NELFB: variants seen among roughly 807,000 people sequenced by gnomAD.
NELFB encodes the protein negative elongation factor complex member B.
A neutral mutation model predicts 60.2 loss-of-function variants in NELFB; 34 were observed. The ratio of observed to expected loss-of-function variants is 0.56; its 90% CI spans 0.43 to 0.75. The LOEUF (loss-of-function observed/expected upper bound fraction) is 0.75. Among genes scored for constraint, NELFB ranks in the 30% least tolerant of loss-of-function variants. The pLI, the probability that NELFB is intolerant of heterozygous loss-of-function variation, is 0.00. For synonymous variants in NELFB, 459 were observed against 382.1 expected, an observed-to-expected ratio of 1.20 and a Z score of -2.35; for missense variants, 770 against 831.6, an observed-to-expected ratio of 0.93 and a Z score of 0.91.
intron 6 of NELFB, 57 bp from the exon 7 acceptor site, chr9:137,265,820 G>A: frequency 8.6e-7 from 1 of 1,166,906 alleles, no homozygotes; most frequent in East Asian, 2.3e-5. Context: ...TGAGGACTGT[G>A]CCGCTGAAGG....
chr9:137,266,829 G>C, intron 8 of NELFB, 115 bp from the exon 9 acceptor site: 2 of 1,252,456 alleles, frequency 1.6e-6, no homozygotes, highest in Non-Finnish European at 1.1e-6. Flanking sequence ...AGAGGAGGGA[G>C]GGTCGGTGAG....
intron 8 of NELFB, among the ~76,000 whole-genome samples, chr9:137,266,743 C>G (rs1324513717): frequency 2.6e-5 from 4 of 151,924 alleles, no homozygotes; most frequent in Non-Finnish European, 4.4e-5. Flanking sequence ...CATGTGGGTC[C>G]AGACCTAGAA....
chr9:137,272,411 T>G, intron 11 of NELFB, 96 bp from the exon 12 acceptor site: 1 of 1,448,902 alleles, frequency 6.9e-7, no homozygotes, highest in Non-Finnish European at 9.3e-7. Context: ...GCTGGCCATG[T>G]CCTGTCTCCA....
intron 8 of NELFB, among the ~76,000 whole-genome samples, chr9:137,266,675 G>A (rs890615287): frequency 2.0e-5 from 3 of 151,974 alleles, no homozygotes; most frequent in African/African-American, 4.8e-5. Context: ...TCCGTGGACC[G>A]TGGCTTGTTC....
chr9:137,265,510 T>C (rs1452121824), intron 6 of NELFB, among the ~76,000 whole-genome samples: 1 of 147,546 alleles, frequency 6.8e-6, no homozygotes, highest in Non-Finnish European at 1.5e-5. Context: ...TGCCTCAGCC[T>C]CCCGAGTAGC....
chr9:137,257,709 T>C (rs1554790716), intron 4 of NELFB, among the ~76,000 whole-genome samples: 1 of 151,876 alleles, frequency 6.6e-6, no homozygotes, highest in Non-Finnish European at 1.5e-5. Flanking sequence ...TCCATGTTGG[T>C]CAGGCTGGTC....
At chr9:137,266,891 G>C (rs554405976) in intron 8 of NELFB, 53 bp from the exon 9 acceptor site, 1 of 1,599,276 alleles carries the variant, frequency 6.3e-7, no homozygotes, top group African/African-American at 1.3e-5. Context: ...ACGTCAGGGT[G>C]GGGTGGGGCA....
At chr9:137,265,031 CTTTTTTTTTTT>C (rs60479210) in intron 6 of NELFB, among the ~76,000 whole-genome samples, 10 of 126,174 alleles carry the variant, frequency 7.9e-5, no homozygotes, top group Admixed American at 1.6e-4. Flanking sequence ...TTTTTTCTTC[CTTTTTTTTTTT>C]TTTTTTTTTT....
chr9:137,265,697 C>T (rs1266831121), intron 6 of NELFB, among the ~76,000 whole-genome samples, 180 bp from the exon 7 acceptor site: 1 of 128,978 alleles, frequency 7.8e-6, no homozygotes, highest in Non-Finnish European at 1.8e-5. Context: ...TGCCAAAGTG[C>T]TGGGATGACA....
intron 7 of NELFB, 151 bp downstream of exon 7, chr9:137,266,130 T>C (rs567087114): frequency 3.9e-6 from 3 of 760,232 alleles, no homozygotes; most frequent in Admixed American, 2.3e-5. Context: ...GTCGGGGATG[T>C]GGACTGCAGT....
chr9:137,266,156 G>A (rs1036906014), intron 7 of NELFB, among the ~76,000 whole-genome samples, 175 bp from the exon 8 acceptor site: 2 of 152,278 alleles, frequency 1.3e-5, no homozygotes, highest in African/African-American at 4.8e-5. Context: ...AGGTAGAGGC[G>A]TGTGCTTCCC....
At chr9:137,261,979 CAGAGAG>C (rs61420748) in intron 4 of NELFB, among the ~76,000 whole-genome samples, 25 of 150,242 alleles carry the variant, frequency 1.7e-4, no homozygotes, top group African/African-American at 4.1e-4. Context: ...GCAGCCTAGG[CAGAGAG>C]AGAGAGAGAG....
rs372809663 is a variant in NELFB at position 137,257,036 on chromosome 9, G to A, written c.723G>A (p.Lys241=). 3.7e-6 allele frequency: 6 copies of A among 1,612,220 alleles called. No homozygotes were observed. Among genetic ancestry groups the A allele is most frequent in the African/African-American group, 1.3e-5 (1 of 75,050 alleles). ...ACAACTTTTTCAGTCCTTCCCCCAA[G>A]ACCAGGCGCCAGGGCGAGGTGAGGG... The change falls in exon 4 of 13, where the codon AAG becomes AAA. Residue 241 remains lysine (K), a synonymous_variant. Coordinates refer to ENST00000343053, the MANE Select transcript of NELFB (RefSeq NM_015456.5).
chr9:137,255,763 G>T, intron 1 of NELFB, 144 bp from the exon 2 acceptor site: 1 of 1,477,756 alleles, frequency 6.8e-7, no homozygotes, highest in Non-Finnish European at 9.2e-7. Context: ...GCACCCCTTT[G>T]CTGGACGGCT....
chr9:137,258,890 A>G (rs780956432), intron 4 of NELFB, among the ~76,000 whole-genome samples: 6 of 152,210 alleles, frequency 3.9e-5, no homozygotes, highest in Non-Finnish European at 8.8e-5. Flanking sequence ...CCAAAATATT[A>G]TCTTTCAGCA....
chr9:137,267,352 T>G lies in NELFB; in HGVS notation c.1489+6T>G, dbSNP rs1830534208. On this transcript the variant is annotated splice_donor_region_variant and intron_variant, in intron 10 of 12. Coordinates refer to ENST00000343053, the MANE Select transcript of NELFB (RefSeq NM_015456.5). ...CCGCCTGCTGCCCGGGCTGGGTAAG[T>G]CCTGACGGGCGGTGCCTGGCTGTGT... 6.3e-7 allele frequency: 1 copy of G among 1,599,878 alleles called. No homozygotes were observed. Among genetic ancestry groups the G allele is most frequent in the African/African-American group, 1.3e-5 (1 of 74,672 alleles).
intron 12 of NELFB, 53 bp downstream of exon 12, chr9:137,272,668 G>A: frequency 6.5e-7 from 1 of 1,541,592 alleles, no homozygotes; most frequent in Non-Finnish European, 8.8e-7. Flanking sequence ...ACCAGCCCGT[G>A]TGTGCTTGCC....
At chr9:137,264,202 C>T (rs1208107111) in intron 5 of NELFB, 43 bp from the exon 6 acceptor site, 3 of 1,471,816 alleles carry the variant, frequency 2.0e-6, no homozygotes, top group East Asian at 2.4e-5. Flanking sequence ...TCTGGTCATC[C>T]TGGGAGGTTT....
At position 137,263,212 on chromosome 9, in the gene NELFB, C is replaced by A. The variant is rs1178754717; in HGVS notation, c.917C>A (p.Pro306Gln). The A allele has an allele frequency of 6.2e-7, 1 of 1,611,096 alleles. No homozygotes were observed. Among genetic ancestry groups the A allele is most frequent in the Admixed American group, 1.7e-5 (1 of 60,002 alleles). ...GTGGGTGAAATCTGCACCGTGGACC[C>A]GTGCCACAAGGTAGCACTGCCCTCC... Residue 306 changes from proline to glutamine, a missense_variant, in exon 5 of 13, where the codon CCG becomes CAG. Transcript: ENST00000343053.
Sources: gnomAD v4.1 joint callset for allele counts (sites outside exome capture counted in the v4.1 genomes callset) on GRCh38, gnomAD v4.1.1 for gene constraint, MANE v1.5 for transcripts, NCBI Gene and HGNC (gene_info 2026-07-23, HGNC 2026-07-21) for gene names.